SNTG1: variants seen among roughly 807,000 people sequenced by gnomAD.
The protein encoded by SNTG1 is gamma-1-syntrophin.
SNTG1 carries 39 observed loss-of-function variants against 74.7 expected under a neutral mutation model. That is an observed-to-expected ratio of 0.52 (90% CI 0.40 to 0.68). SNTG1 has a LOEUF of 0.68. Among genes scored for constraint, SNTG1 ranks in the 30% least tolerant of loss-of-function variants. The pLI is 0.00. For synonymous variants in SNTG1, 254 were observed against 217.1 expected (o/e 1.17, Z -1.49); for missense variants, 685 against 609.5 (o/e 1.12, Z -1.30).
chr8:50,335,131 G>T (rs2091098475), intron 2 of SNTG1, among the ~76,000 whole-genome samples: 2 of 152,110 alleles, frequency 1.3e-5, no homozygotes, highest in African/African-American at 2.4e-5. Context: ...ACCTTGTCTT[G>T]TTTATCAGCA....
chr8:50,213,632 G>A (rs538811606), intron 2 of SNTG1, among the ~76,000 whole-genome samples: 1 of 151,950 alleles, frequency 6.6e-6, no homozygotes, highest in African/African-American at 2.4e-5. Flanking sequence ...TAACTGGTGT[G>A]AGATGGTATC....
At chr8:50,633,065 G>A (rs1049490059) in intron 13 of SNTG1, among the ~76,000 whole-genome samples, 1 of 152,168 alleles carries the variant, frequency 6.6e-6, no homozygotes, top group African/African-American at 2.4e-5. Flanking sequence ...ATCATTAATT[G>A]GATTTGAGAG....
At chr8:50,539,180 T>C (rs2094328484) in intron 11 of SNTG1, among the ~76,000 whole-genome samples, 1 of 152,202 alleles carries the variant, frequency 6.6e-6, no homozygotes. Flanking sequence ...ATTAATTCTT[T>C]TCTCATTCAA....
At chr8:50,623,687 AT>A (rs1248212310) in intron 13 of SNTG1, among the ~76,000 whole-genome samples, 4 of 139,394 alleles carry the variant, frequency 2.9e-5, no homozygotes, top group African/African-American at 1.2e-4. Flanking sequence ...GTATTTGAAA[AT>A]ATTTGTTTTT....
chr8:50,154,417 G>A (rs1004295289), intron 1 of SNTG1, among the ~76,000 whole-genome samples: 6 of 152,038 alleles, frequency 3.9e-5, no homozygotes, highest in East Asian at 1.9e-4. Context: ...GCTCACACTC[G>A]GTGGGCTACA....
At chr8:50,293,418 T>TG (rs1160957435) in intron 2 of SNTG1, among the ~76,000 whole-genome samples, 1 of 136,854 alleles carries the variant, frequency 7.3e-6, no homozygotes, top group Non-Finnish European at 1.6e-5. Flanking sequence ...TTTTTTTTTC[T>TG]TTTTTTTTTT....
At chr8:50,142,220 G>A (rs980732825) in intron 1 of SNTG1, among the ~76,000 whole-genome samples, 7 of 151,860 alleles carry the variant, frequency 4.6e-5, no homozygotes, top group Admixed American at 6.6e-5. Flanking sequence ...CACTTCCCAC[G>A]ACAGGCATTT....
intron 2 of SNTG1, among the ~76,000 whole-genome samples, chr8:50,198,123 G>T (rs2083847211): frequency 6.6e-6 from 1 of 152,032 alleles, no homozygotes; most frequent in South Asian, 2.1e-4. Context: ...TGTGCCCAGA[G>T]CGCAGGTGAA....
chr8:50,608,742 C>G (rs1412382732), intron 13 of SNTG1, among the ~76,000 whole-genome samples: 1 of 151,774 alleles, frequency 6.6e-6, no homozygotes, highest in Non-Finnish European at 1.5e-5. Flanking sequence ...GCCTGCAATT[C>G]TGCTATTTTT....
chr8:50,341,706 T>TA lies in SNTG1; in HGVS notation c.-27-52504dup, dbSNP rs371398873. 9.0e-4 allele frequency among the ~76,000 whole-genome samples: 137 copies of TA among 152,106 alleles called. 1 individual carries two copies. The highest frequency in any genetic ancestry group is 2.9e-3 in the African/African-American group (119 of 41,562). ...GGACTTTAATTCACTACAGGGCAAC[T>TA]AATATTAGTAGGGTTAAGGGGAACC... is the stretch of plus-strand genomic sequence containing the variant. On this transcript the variant is annotated intron_variant, in intron 2 of 18. Transcript: ENST00000642720.
At chr8:50,437,075 T>G (rs1411949213) in intron 4 of SNTG1, among the ~76,000 whole-genome samples, 3 of 152,280 alleles carry the variant, frequency 2.0e-5, no homozygotes, top group African/African-American at 7.2e-5. Context: ...ATTTGTACAA[T>G]TATAATTTTA....
intron 2 of SNTG1, among the ~76,000 whole-genome samples, chr8:50,243,495 T>C (rs2086255335): frequency 6.6e-6 from 1 of 152,162 alleles, no homozygotes; most frequent in South Asian, 2.1e-4. Context: ...TTTGAAGGGA[T>C]TTTAAAATGC....
intron 1 of SNTG1, among the ~76,000 whole-genome samples, chr8:50,007,302 C>G (rs1418438258): frequency 2.0e-5 from 3 of 152,122 alleles, no homozygotes; most frequent in African/African-American, 7.2e-5. Context: ...TGGCCCCTAC[C>G]TGGCCTGCTT....
intron 1 of SNTG1, among the ~76,000 whole-genome samples, chr8:50,054,845 A>G (rs886960908): frequency 1.3e-5 from 2 of 151,910 alleles, no homozygotes; most frequent in African/African-American, 2.4e-5. Context: ...CTAATTTCTT[A>G]TTGTTATTTA....
At chr8:50,413,448 A>G (rs2092975307) in intron 4 of SNTG1, among the ~76,000 whole-genome samples, 1 of 151,982 alleles carries the variant, frequency 6.6e-6, no homozygotes. Context: ...CCATCTATCT[A>G]TTTTTTCTTT....
intron 12 of SNTG1, among the ~76,000 whole-genome samples, chr8:50,561,196 C>T (rs1386373739): frequency 6.6e-6 from 1 of 152,002 alleles, no homozygotes; most frequent in Non-Finnish European, 1.5e-5. Context: ...TGTGGCAGTT[C>T]CCCCTTTGCT....
chr8:50,168,638 A>G (rs894301329), intron 1 of SNTG1, among the ~76,000 whole-genome samples: 1 of 152,224 alleles, frequency 6.6e-6, no homozygotes, highest in African/African-American at 2.4e-5. Context: ...ATTACCCAAT[A>G]TAAGAAGTGG....
At chr8:50,276,986 C>G (rs181031599) in intron 2 of SNTG1, among the ~76,000 whole-genome samples, 1 of 151,990 alleles carries the variant, frequency 6.6e-6, no homozygotes, top group Non-Finnish European at 1.5e-5. Flanking sequence ...CCCACCACCA[C>G]GCCTGGCTAA....
intron 12 of SNTG1, chr8:50,568,823 A>G (rs376285235): frequency 6.6e-6 from 1 of 152,136 alleles, no homozygotes; most frequent in Non-Finnish European, 1.5e-5. Flanking sequence ...GTTCAAAGCA[A>G]TTCCATTCAT....
Sources: allele counts gnomAD v4.1 joint callset (sites outside exome capture counted in the v4.1 genomes callset), GRCh38; gene constraint gnomAD v4.1.1; transcripts MANE v1.5; gene names NCBI Gene and HGNC (gene_info 2026-07-23, HGNC 2026-07-21).